MTUS2: variants seen among roughly 807,000 people sequenced by gnomAD.
The protein encoded by MTUS2 is microtubule associated scaffold protein 2, also known as microtubule-associated tumor suppressor candidate 2.
In MTUS2, 40 loss-of-function variants were observed where a neutral mutation model predicts 114.1. That is an observed-to-expected ratio of 0.35 (90% confidence interval 0.27 to 0.46). The LOEUF (loss-of-function observed/expected upper bound fraction) is 0.46. Among genes scored for constraint, MTUS2 ranks in the 20% least tolerant of loss-of-function variants. The pLI, the probability that MTUS2 is intolerant of heterozygous loss-of-function variation, is 1.00. For synonymous variants in MTUS2, 688 were observed against 672.0 expected, an observed-to-expected ratio of 1.02 and a Z score of -0.37; for missense variants, 1,679 against 1,705.4, an observed-to-expected ratio of 0.98 and a Z score of 0.27.
intron 9 of MTUS2, among the ~76,000 whole-genome samples, chr13:29,447,622 T>G (rs868137889): frequency 1.3e-5 from 2 of 151,716 alleles, no homozygotes; most frequent in Middle Eastern, 3.4e-3. Context: ...TTTTTTTTTT[T>G]TTTTTTAATG....
Position 29,291,568 on chromosome 13 carries a change from G to C in MTUS2, c.2806+9703G>C, listed in dbSNP as rs534491437. Among the ~76,000 whole-genome samples the C allele has an allele frequency of 2.5e-3, 375 of 152,326 alleles. 3 individuals are homozygous for C. The highest frequency in any genetic ancestry group is 8.5e-3 in the African/African-American group (352 of 41,574). On this transcript the variant is annotated intron_variant, in intron 6 of 15. Transcript: ENST00000612955. ...TTGCAGGTGTCCAGCAACCCCTGGT[G>C]GCTCTGCCTTTTCCAGCCTTTGAGC...
chr13:29,224,675 G>A (rs1896037490), intron 5 of MTUS2, among the ~76,000 whole-genome samples: 1 of 152,014 alleles, frequency 6.6e-6, no homozygotes, highest in African/African-American at 2.4e-5. Context: ...TAATTCTTTT[G>A]TGATAAATTC....
intron 2 of MTUS2, among the ~76,000 whole-genome samples, chr13:28,911,958 T>C (rs1437140813): frequency 3.3e-5 from 5 of 151,860 alleles, no homozygotes; most frequent in Non-Finnish European, 2.9e-5. Flanking sequence ...AGGTTGTCTC[T>C]TCACTCTGAT....
chr13:28,963,261 G>T (rs1883416503), intron 2 of MTUS2, among the ~76,000 whole-genome samples: 1 of 152,164 alleles, frequency 6.6e-6, no homozygotes, highest in African/African-American at 2.4e-5. Context: ...TGAGGCAGGA[G>T]AATGGCGTGA....
intron 11 of MTUS2, among the ~76,000 whole-genome samples, chr13:29,492,131 ATGTGTGTGGTAGGTGTGTATG>A (rs1882194907): frequency 1.2e-5 from 1 of 84,202 alleles, no homozygotes; most frequent in Admixed American, 1.4e-4. Context: ...TGTGTATGTG[ATGTGTGTGGTAGGTGTGTATG>A]TGTGTGTGGT....
chr13:29,084,193 A>G (rs1889564863), intron 4 of MTUS2, among the ~76,000 whole-genome samples: 1 of 152,204 alleles, frequency 6.6e-6, no homozygotes, highest in Non-Finnish European at 1.5e-5. Flanking sequence ...CCTATGTTGC[A>G]GAAGTACAAA....
At chr13:28,976,994 A>G (rs1884139982) in intron 2 of MTUS2, among the ~76,000 whole-genome samples, 1 of 151,958 alleles carries the variant, frequency 6.6e-6, no homozygotes, top group Non-Finnish European at 1.5e-5. Context: ...TTTATGATAT[A>G]CCCTTCCCCC....
At chr13:29,120,589 A>C (rs1891268000) in intron 5 of MTUS2, among the ~76,000 whole-genome samples, 1 of 152,176 alleles carries the variant, frequency 6.6e-6, no homozygotes. Flanking sequence ...AAGAAAAAAG[A>C]ATTTTTTGGA....
intron 2 of MTUS2, among the ~76,000 whole-genome samples, chr13:28,901,291 G>A: frequency 6.6e-6 from 1 of 152,268 alleles, no homozygotes; most frequent in Non-Finnish European, 1.5e-5. Flanking sequence ...GGTTTGCAAA[G>A]ATTTTCTCCC....
intron 8 of MTUS2, among the ~76,000 whole-genome samples, chr13:29,373,739 C>A (rs1404200400): frequency 6.6e-6 from 1 of 152,222 alleles, no homozygotes; most frequent in Non-Finnish European, 1.5e-5. Flanking sequence ...ACCTCACTGA[C>A]TGCCTGCTGC....
intron 2 of MTUS2, among the ~76,000 whole-genome samples, chr13:28,878,249 A>ATGTG (rs946934358): frequency 3.3e-5 from 5 of 151,012 alleles, no homozygotes; most frequent in African/African-American, 1.2e-4. Context: ...ATATGTATAT[A>ATGTG]TGTGTGTGTG....
chr13:28,997,683 G>T (rs1396037331), intron 2 of MTUS2, among the ~76,000 whole-genome samples: 1 of 151,994 alleles, frequency 6.6e-6, no homozygotes, highest in Non-Finnish European at 1.5e-5. Context: ...TTGGTTTAAA[G>T]TCTGTTTTAT....
chr13:29,482,856 G>A (rs1162573886), intron 10 of MTUS2, among the ~76,000 whole-genome samples: 1 of 152,204 alleles, frequency 6.6e-6, no homozygotes, highest in Non-Finnish European at 1.5e-5. Flanking sequence ...AATTATTCAG[G>A]CCCCTGATTC....
chr13:29,314,413 T>A (rs1470118593), intron 6 of MTUS2, among the ~76,000 whole-genome samples: 1 of 152,184 alleles, frequency 6.6e-6, no homozygotes, highest in Non-Finnish European at 1.5e-5. Context: ...GATGGTTCAG[T>A]TGTAAATAAT....
chr13:29,302,099 G>A (rs1899228883), intron 6 of MTUS2, among the ~76,000 whole-genome samples: 1 of 152,208 alleles, frequency 6.6e-6, no homozygotes, highest in Non-Finnish European at 1.5e-5. Flanking sequence ...AGCAGCTGCA[G>A]TCTCCAGCAC....
chr13:29,301,586 G>C (rs761589001), intron 6 of MTUS2, among the ~76,000 whole-genome samples: 1 of 152,196 alleles, frequency 6.6e-6, no homozygotes, highest in Non-Finnish European at 1.5e-5. Flanking sequence ...CAAGGAATGA[G>C]CTTTGAAGTT....
intron 5 of MTUS2, among the ~76,000 whole-genome samples, chr13:29,242,004 A>G (rs1323796490): frequency 6.6e-6 from 1 of 152,160 alleles, no homozygotes; most frequent in Non-Finnish European, 1.5e-5. Flanking sequence ...CATCCCAGAT[A>G]TATGTTACTT....
intron 4 of MTUS2, among the ~76,000 whole-genome samples, chr13:29,046,992 G>A (rs746418869): frequency 1.9e-4 from 29 of 152,302 alleles, no homozygotes; most frequent in Admixed American, 2.6e-4. Context: ...CAGGACTTGC[G>A]TCAGGAATAA....
At chr13:28,913,446 C>T (rs1428220299) in intron 2 of MTUS2, among the ~76,000 whole-genome samples, 4 of 152,126 alleles carry the variant, frequency 2.6e-5, no homozygotes, top group East Asian at 1.9e-4. Context: ...ACCAATCTTG[C>T]GTCACGGGGA....
Sources: allele counts gnomAD v4.1 joint callset (sites outside exome capture counted in the v4.1 genomes callset), GRCh38; gene constraint gnomAD v4.1.1; transcripts MANE v1.5; gene names NCBI Gene and HGNC (gene_info 2026-07-23, HGNC 2026-07-21).